BMP2K: variants seen among roughly 807,000 people sequenced by gnomAD.
The protein encoded by BMP2K is BMP-2-inducible protein kinase.
BMP2K carries 74 observed loss-of-function variants against 116.0 expected under a neutral mutation model. The ratio of observed to expected loss-of-function variants is 0.64; its 90% CI spans 0.53 to 0.77. The LOEUF (loss-of-function observed/expected upper bound fraction) is 0.77, where lower values mean the gene tolerates loss of function less well. BMP2K is among the 30% of genes least tolerant of loss of function. The probability of loss-of-function intolerance (pLI) is 0.00; values close to 1 mark genes in which losing one functional copy is unlikely to be tolerated. For synonymous variants in BMP2K, 486 were observed against 502.5 expected (o/e 0.97, Z 0.44); for missense variants, 1,365 against 1,403.6 (o/e 0.97, Z 0.44).
chr4:78,800,672 A>AAT (rs1451602843), intron 1 of BMP2K, among the ~76,000 whole-genome samples: 1 of 152,220 alleles, frequency 6.6e-6, no homozygotes, highest in African/African-American at 2.4e-5. Flanking sequence ...GAATAGTTTA[A>AAT]ACTACAGCTG....
chr4:78,785,709 A>G (rs1478085258), intron 1 of BMP2K, among the ~76,000 whole-genome samples: 1 of 152,224 alleles, frequency 6.6e-6, no homozygotes, highest in Non-Finnish European at 1.5e-5. Context: ...GTTTACAGAT[A>G]CAAAGTTTAC....
At chr4:78,805,814 A>G (rs938490264) in intron 1 of BMP2K, among the ~76,000 whole-genome samples, 1 of 152,064 alleles carries the variant, frequency 6.6e-6, no homozygotes, top group African/African-American at 2.4e-5. Context: ...TACTAAAAAT[A>G]CAAAAAATTA....
chr4:78,877,929 A>G (rs1484537743), intron 13 of BMP2K, among the ~76,000 whole-genome samples: 1 of 152,128 alleles, frequency 6.6e-6, no homozygotes, highest in African/African-American at 2.4e-5. Context: ...GGTGAGTGAA[A>G]GGTCATTATG....
At chr4:78,850,866 T>A (rs1731216673) in intron 6 of BMP2K, 58 bp from the exon 7 acceptor site, 3 of 1,576,396 alleles carry the variant, frequency 1.9e-6, no homozygotes, top group Non-Finnish European at 2.6e-6. Flanking sequence ...AGTTTTTGGC[T>A]ATTTTTGTGT....
In BMP2K at chr4:78,916,263, T is replaced by C. The variant is rs1735063418; in HGVS notation, c.*4230T>C. ...GAATTCTGTCCCTGATTCACTGTTT[T>C]GTTTGAAATTTAAAGTTATTTTCTT... On this transcript the variant is annotated 3_prime_UTR_variant, in exon 16 of 16. Coordinates refer to ENST00000502613, the MANE Select transcript of BMP2K (RefSeq NM_198892.2). 1 of 151,980 alleles carries C rather than the reference T, an allele frequency of 6.6e-6. No homozygotes were observed. Among genetic ancestry groups the C allele is most frequent in the Admixed American group, 6.6e-5 (1 of 15,218 alleles). The allele number at this position is 151,980 out of a possible 1,614,324, so 9.4% of individuals were successfully genotyped here.
At chr4:78,865,834 C>A in intron 10 of BMP2K, 114 bp downstream of exon 10, 1 of 978,964 alleles carries the variant, frequency 1.0e-6, no homozygotes, top group Non-Finnish European at 1.5e-6. Flanking sequence ...TAACATAATG[C>A]TTTCAGAAAC....
At chr4:78,840,781 G>T (rs1396688955) in intron 3 of BMP2K, among the ~76,000 whole-genome samples, 1 of 151,964 alleles carries the variant, frequency 6.6e-6, no homozygotes, top group Non-Finnish European at 1.5e-5. Flanking sequence ...TACTTCAAAG[G>T]TCTCTGGACA....
intron 2 of BMP2K, among the ~76,000 whole-genome samples, chr4:78,827,278 T>C (rs1228428795): frequency 1.3e-5 from 2 of 152,072 alleles, no homozygotes; most frequent in African/African-American, 4.8e-5. Context: ...ATTTTTGTAT[T>C]CCATTGCATA....
chr4:78,898,675 A>G (rs1733838057), intron 15 of BMP2K, among the ~76,000 whole-genome samples: 1 of 151,208 alleles, frequency 6.6e-6, no homozygotes, highest in Non-Finnish European at 1.5e-5. Flanking sequence ...AAAAAAGACC[A>G]TTGCTCCTCA....
At chr4:78,844,308 T>C (rs1001565478) in intron 4 of BMP2K, among the ~76,000 whole-genome samples, 2 of 151,684 alleles carry the variant, frequency 1.3e-5, no homozygotes, top group Non-Finnish European at 3.0e-5. Context: ...GAGATTGGGC[T>C]CTGAACCCAT....
chr4:78,777,272 A>T (rs1380556949), intron 1 of BMP2K, among the ~76,000 whole-genome samples: 1 of 152,230 alleles, frequency 6.6e-6, no homozygotes, highest in Non-Finnish European at 1.5e-5. Context: ...AGTAGGTTGC[A>T]CTGAGGAGCA....
chr4:78,851,199 A>T (rs577299598), intron 7 of BMP2K, 143 bp downstream of exon 7: 1 of 891,342 alleles, frequency 1.1e-6, no homozygotes, highest in Non-Finnish European at 1.6e-6. Context: ...CATTTAAAAA[A>T]GTGTTTAAAA....
intron 1 of BMP2K, among the ~76,000 whole-genome samples, chr4:78,784,084 G>A (rs1018990961): frequency 6.6e-6 from 1 of 150,512 alleles, no homozygotes; most frequent in African/African-American, 2.5e-5. Flanking sequence ...AAAGTGAGAC[G>A]GATGTCCTTA....
At chr4:78,853,060 A>G (rs1201520066) in intron 7 of BMP2K, among the ~76,000 whole-genome samples, 1 of 152,180 alleles carries the variant, frequency 6.6e-6, no homozygotes, top group Admixed American at 6.6e-5. Flanking sequence ...CTTGGCTCAT[A>G]GTTTTTGAAT....
At chr4:78,780,464 T>A (rs1727450182) in intron 1 of BMP2K, among the ~76,000 whole-genome samples, 2 of 152,200 alleles carry the variant, frequency 1.3e-5, no homozygotes, top group Non-Finnish European at 2.9e-5. Context: ...ATTAGCCAGT[T>A]CTCGTTGTTA....
chr4:78,887,864 G>A (rs548252954), intron 15 of BMP2K, among the ~76,000 whole-genome samples: 2 of 152,098 alleles, frequency 1.3e-5, no homozygotes, highest in African/African-American at 2.4e-5. Flanking sequence ...GGTTATAGTG[G>A]AAAAAAAGAG....
chr4:78,851,876 T>A (rs1731267536), intron 7 of BMP2K, among the ~76,000 whole-genome samples: 1 of 152,110 alleles, frequency 6.6e-6, no homozygotes, highest in Non-Finnish European at 1.5e-5. Flanking sequence ...AAAAAAAGAT[T>A]AATCCATTGC....
At chr4:78,850,818 C>T (rs1731214391) in intron 6 of BMP2K, 106 bp from the exon 7 acceptor site, 3 of 1,083,700 alleles carry the variant, frequency 2.8e-6, no homozygotes, top group Non-Finnish European at 2.6e-6. Flanking sequence ...AAAAAGATTG[C>T]TGCAGTATAG....
At chr4:78,907,415 T>C (rs541098943) in intron 15 of BMP2K, among the ~76,000 whole-genome samples, 140 of 152,286 alleles carry the variant, frequency 9.2e-4, no homozygotes, top group African/African-American at 3.2e-3. Context: ...AGAAGGCGAA[T>C]TTAAATTCAC....
Sources: allele counts gnomAD v4.1 joint callset (sites outside exome capture counted in the v4.1 genomes callset), GRCh38; gene constraint gnomAD v4.1.1; transcripts MANE v1.5; gene names NCBI Gene and HGNC (gene_info 2026-07-23, HGNC 2026-07-21).